The following ARHGEF18 variants were observed in gnomAD, a reference collection of about 807,000 sequenced individuals.
The protein encoded by ARHGEF18 is rho guanine nucleotide exchange factor 18.
Under a neutral mutation model 155.7 loss-of-function variants are expected in ARHGEF18, and 93 were observed. That is an observed-to-expected ratio of 0.60 (90% CI 0.50 to 0.71). The LOEUF (loss-of-function observed/expected upper bound fraction) is 0.71. Among genes scored for constraint, ARHGEF18 ranks in the 30% least tolerant of loss-of-function variants. The pLI is 0.00. For synonymous variants in ARHGEF18, 742 were observed against 753.1 expected, an observed-to-expected ratio of 0.99 and a Z score of 0.24; for missense variants, 1,593 against 1,816.1, an observed-to-expected ratio of 0.88 and a Z score of 2.23.
intron 17 of ARHGEF18, among the ~76,000 whole-genome samples, chr19:7,455,442 G>T (rs575629960): frequency 6.6e-6 from 1 of 152,152 alleles, no homozygotes; most frequent in Non-Finnish European, 1.5e-5. Flanking sequence ...CCCTTGAAAC[G>T]CAGCTCAGGA....
intron 10 of ARHGEF18, among the ~76,000 whole-genome samples, chr19:7,403,894 A>C (rs1972150923): frequency 6.6e-6 from 1 of 151,928 alleles, no homozygotes; most frequent in African/African-American, 2.4e-5. Context: ...GCAAAACCTC[A>C]TGTCTACTAA....
intron 10 of ARHGEF18, among the ~76,000 whole-genome samples, chr19:7,437,289 G>A: frequency 6.6e-6 from 1 of 150,830 alleles, no homozygotes; most frequent in Non-Finnish European, 1.5e-5. Context: ...TTAGCCGGGT[G>A]TGGTGGCACA....
In ARHGEF18 at chr19:7,375,859, A is replaced by G; in HGVS notation, c.415A>G (p.Ser139Gly). 1 of 1,234,396 alleles carries G rather than the reference A, an allele frequency of 8.1e-7. No individual in the cohort carries two copies. The highest frequency in any genetic ancestry group is 1.0e-6 in the Non-Finnish European group (1 of 988,214). The allele number at this position is 1,234,396 out of a possible 1,614,324, so 76.5% of individuals were successfully genotyped here. A position where few individuals can be genotyped will look rare whatever the true frequency, so the allele number is the denominator to read the frequency against. ...CLSGGGTPAE[S>G]PGKECDSPKK... The stretch of plus-strand genomic sequence containing the variant: ...CTCTGGGGGCGGGACCCCCGCAGAG[A>G]GCCCAGGCAAGGTGGGTATAACCTG... The change falls in exon 4 of 29, where the codon AGC becomes GGC. Residue 139 changes from serine (S) to glycine (G), a missense_variant. Ser to Gly is a moderately conservative substitution (Grantham distance 56). Transcript: ENST00000668164.
rs752242524 is a variant in ARHGEF18, at chr19:7,470,079, C to A, written c.3914-47C>A. 1 of 1,610,928 alleles carries A rather than the reference C, an allele frequency of 6.2e-7. No individual in the cohort carries two copies. Among genetic ancestry groups the A allele is most frequent in the Non-Finnish European group, 8.5e-7 (1 of 1,178,988 alleles). ...GCCCAGTCCCAGGGCAGCGGGGCTG[C>A]GGCACCACCCGGCGACTGCTCAGTC... On this transcript the variant is annotated intron_variant, in intron 28 of 28. Coordinates refer to ENST00000668164, the MANE Select transcript of ARHGEF18 (RefSeq NM_001367823.1). This position sits in a 1 kb window ranked among gnomAD's most constrained non-coding sequence, Gnocchi z 5.9.
chr19:7,385,997 CCT>C (rs1253792362), intron 10 of ARHGEF18, among the ~76,000 whole-genome samples: 241 of 108,784 alleles, frequency 2.2e-3, no homozygotes, highest in Non-Finnish European at 3.4e-3. Context: ...TCTCTCTCTC[CCT>C]CTCTCTTTCT....
rs574266652 is a variant in ARHGEF18, at chr19:7,470,266, G to A, written c.4054G>A (p.Asp1352Asn). The change falls in exon 29 of 29, where the codon GAC becomes AAC. Residue 1352 changes from aspartate to asparagine, a missense_variant. Coordinates refer to ENST00000668164, the MANE Select transcript of ARHGEF18 (RefSeq NM_001367823.1). This position sits in a 1 kb window ranked among gnomAD's most constrained non-coding sequence, Gnocchi z 5.9. ...GGCCACACCACTCAGCGCCAAGGAGGACGCCAGCAAAGAAGACGTCATCTT... is the reference window on the plus strand; with the variant it reads ...GGCCACACCACTCAGCGCCAAGGAGAACGCCAGCAAAGAAGACGTCATCTT... ...LPATPLSAKE[D>N]ASKEDVIFF 8 of 1,563,086 alleles carry A rather than the reference G, an allele frequency of 5.1e-6. No individual in the cohort carries two copies. In the East Asian group the frequency reaches 7.2e-5, roughly 14 times the overall value.
chr19:7,409,327 TAAA>T (rs142783549), intron 10 of ARHGEF18, among the ~76,000 whole-genome samples: 1 of 114,676 alleles, frequency 8.7e-6, no homozygotes, highest in Non-Finnish European at 1.7e-5. Context: ...CCCTGTTTCT[TAAA>T]AAAAAAAAAA....
At chr19:7,464,067 T>A in intron 22 of ARHGEF18, 112 bp downstream of exon 22, 2 of 1,371,792 alleles carry the variant, frequency 1.5e-6, no homozygotes, top group Non-Finnish European at 1.9e-6. Flanking sequence ...AGACAGAGTC[T>A]TGCTCTGTCA....
At chr19:7,448,258 A>G (rs911317577) in intron 15 of ARHGEF18, among the ~76,000 whole-genome samples, 5 of 152,134 alleles carry the variant, frequency 3.3e-5, no homozygotes, top group Non-Finnish European at 7.4e-5. Flanking sequence ...TCACACCTGT[A>G]ATCCCTGTAA....
intron 10 of ARHGEF18, among the ~76,000 whole-genome samples, chr19:7,397,229 T>A (rs538235078): frequency 2.0e-5 from 3 of 152,288 alleles, no homozygotes; most frequent in African/African-American, 7.2e-5. Context: ...ATTTAGTTTT[T>A]GTTTTCTTCT....
intron 10 of ARHGEF18, among the ~76,000 whole-genome samples, chr19:7,420,009 C>T (rs1973258506): frequency 1.3e-5 from 2 of 151,942 alleles, no homozygotes. Context: ...CACACTCGGC[C>T]CCTGCACCCC....
At chr19:7,370,502 TAATA>T (rs1007278340) in intron 2 of ARHGEF18, among the ~76,000 whole-genome samples, 8 of 151,762 alleles carry the variant, frequency 5.3e-5, no homozygotes, top group Middle Eastern at 3.2e-3. Flanking sequence ...TCTCAAAAAA[TAATA>T]AATAAATAAA....
chr19:7,369,621 ACT>A (rs1391260637), intron 2 of ARHGEF18, among the ~76,000 whole-genome samples: 2 of 151,444 alleles, frequency 1.3e-5, no homozygotes, highest in Admixed American at 6.6e-5. Flanking sequence ...AGATGGTGAA[ACT>A]CTGTCTCTAC....
At chr19:7,464,411 C>T (rs1215980861) in intron 22 of ARHGEF18, 149 bp from the exon 23 acceptor site, 7 of 928,296 alleles carry the variant, frequency 7.5e-6, no homozygotes, top group African/African-American at 1.7e-5. Context: ...GACCAGCCTG[C>T]CCCTCTCCAG....
chr19:7,470,370 GGGGTCACC>G lies in ARHGEF18; in HGVS notation c.*73_*80del. 7.6e-7 allele frequency: 1 copy of G among 1,321,794 alleles called. No individual in the cohort carries two copies. The highest frequency in any genetic ancestry group is 9.7e-7 in the Non-Finnish European group (1 of 1,027,262). 81.9% of individuals were successfully genotyped at this position (1,321,794 alleles called of 1,614,324 possible). A position where few individuals can be genotyped will look rare whatever the true frequency, so the allele number is the denominator to read the frequency against. On this transcript the variant is annotated 3_prime_UTR_variant, in exon 29 of 29. Coordinates refer to ENST00000668164, the MANE Select transcript of ARHGEF18 (RefSeq NM_001367823.1). This position sits in a 1 kb window ranked among gnomAD's most constrained non-coding sequence, Gnocchi z 5.9. ...CTTCCTGCTCTCTGGGGACCCCCAT[GGGGTCACC>G]ATGCCCACCCAGCTGTCCCCTCCTC...
chr19:7,418,064 G>A (rs1433182629), intron 10 of ARHGEF18, among the ~76,000 whole-genome samples: 1 of 152,184 alleles, frequency 6.6e-6, no homozygotes, highest in Non-Finnish European at 1.5e-5. Flanking sequence ...CCATGGCAGG[G>A]CTTTGAGCAG....
intron 10 of ARHGEF18, among the ~76,000 whole-genome samples, chr19:7,416,018 A>G (rs957767530): frequency 2.6e-5 from 4 of 152,152 alleles, no homozygotes; most frequent in Admixed American, 1.3e-4. Context: ...TCAGCCTCTC[A>G]CACTGTAAAC....
downstream of ARHGEF18, chr19:7,477,479 G>T: frequency 7.4e-7 from 1 of 1,359,082 alleles, no homozygotes; most frequent in Non-Finnish European, 9.5e-7. Flanking sequence ...GCTCACACCT[G>T]CCTGCCCTTC....
intron 10 of ARHGEF18, among the ~76,000 whole-genome samples, chr19:7,437,363 G>A (rs372081430): frequency 7.9e-5 from 12 of 151,416 alleles, no homozygotes; most frequent in Admixed American, 2.0e-4. Context: ...CAGAGGTTGC[G>A]GTGAGCTGAG....
Sources: gnomAD v4.1 joint callset for allele counts (sites outside exome capture counted in the v4.1 genomes callset) on GRCh38, gnomAD v4.1.1 for gene constraint, Gnocchi (gnomAD v3.1) non-coding constraint, MANE v1.5 for transcripts, NCBI Gene and HGNC (gene_info 2026-07-23, HGNC 2026-07-21) for gene names.